The following TMCO1 variants were observed in gnomAD, a reference collection of about 807,000 sequenced individuals.
TMCO1 encodes transmembrane and coiled-coil domains 1, also known as calcium load-activated calcium channel.
In TMCO1, 29 loss-of-function variants were observed where a neutral mutation model predicts 29.3. The observed-to-expected ratio is 0.99, with a 90% CI of 0.74 to 1.35. TMCO1 has a LOEUF of 1.35. TMCO1 is among the 40% of genes most tolerant of loss of function. TMCO1 has a pLI of 0.00. For missense variants in TMCO1, 173 were observed against 225.5 expected, an observed-to-expected ratio of 0.77 and a Z score of 1.49; for synonymous variants, 80 against 77.1, an observed-to-expected ratio of 1.04 and a Z score of -0.20.
At chr1:165,739,201 T>C (rs1651496647) in intron 6 of TMCO1, among the ~76,000 whole-genome samples, 1 of 152,198 alleles carries the variant, frequency 6.6e-6, no homozygotes, top group Non-Finnish European at 1.5e-5. Context: ...TTTAACTTAA[T>C]AGCATATACC....
At chr1:165,742,482 C>T (rs539853400) in intron 6 of TMCO1, among the ~76,000 whole-genome samples, 17 of 152,138 alleles carry the variant, frequency 1.1e-4, no homozygotes, top group Non-Finnish European at 2.2e-4. Flanking sequence ...AGGCTGGTCT[C>T]AAATTCCCGA....
At chr1:165,757,842 A>G (rs1184386793) in intron 3 of TMCO1, among the ~76,000 whole-genome samples, 1 of 152,178 alleles carries the variant, frequency 6.6e-6, no homozygotes, top group Non-Finnish European at 1.5e-5. Context: ...TTCTGGGGTG[A>G]GCAAACAATT....
At chr1:165,730,174 A>AC (rs1286997274) in intron 6 of TMCO1, among the ~76,000 whole-genome samples, 3 of 135,330 alleles carry the variant, frequency 2.2e-5, no homozygotes, top group African/African-American at 8.2e-5. Context: ...ACACACACAC[A>AC]AAAAAAAAAA....
At chr1:165,767,885 G>A (rs1652634379) in intron 2 of TMCO1, among the ~76,000 whole-genome samples, 1 of 152,044 alleles carries the variant, frequency 6.6e-6, no homozygotes, top group African/African-American at 2.4e-5. Context: ...TGTTGCCCAG[G>A]CTGGTGTCAA....
At chr1:165,768,156 G>C (rs536478710) in intron 2 of TMCO1, 36 bp downstream of exon 2, 11 of 1,503,872 alleles carry the variant, frequency 7.3e-6, no homozygotes, top group Non-Finnish European at 1.0e-5. Context: ...TGAGCTTGAC[G>C]TGTTGAAATT....
At chr1:165,744,803 A>G (rs1442303315) in intron 5 of TMCO1, among the ~76,000 whole-genome samples, 2 of 150,104 alleles carry the variant, frequency 1.3e-5, no homozygotes, top group Non-Finnish European at 2.9e-5. Context: ...AAAAAAAAAA[A>G]AAAAAAAAAT....
rs549694900 is a variant in TMCO1, at chr1:165,736,351, C to G, written c.468+6816G>C. ...ATAAAAGAATCCAGAATATCTTCAA[C>G]CTATCGTTTACATTATCCAGGATAT... is the stretch of plus-strand genomic sequence containing the variant. On this transcript the variant is annotated intron_variant, in intron 6 of 6. Transcript: ENST00000367881. Among the ~76,000 whole-genome samples, 28 of 152,314 alleles carry G rather than the reference C, an allele frequency of 1.8e-4. 1 individual carries two copies. The South Asian group carries it at 5.8e-3, about 32-fold the overall frequency.
Position 165,768,675 on chromosome 1 carries a change from C to T in TMCO1, c.70+7G>A, listed in dbSNP as rs200020676. 1.2e-5 allele frequency: 19 copies of T among 1,614,120 alleles called. No individual in the cohort carries two copies. The Admixed American group carries it at 3.2e-4, about 27-fold the overall frequency. On this transcript the variant is annotated splice_region_variant and intron_variant, in intron 1 of 6. Coordinates refer to ENST00000367881, the MANE Select transcript of TMCO1 (RefSeq NM_019026.6). ...TGATCAAACGTCTGAGAAATACCCGCTCTCACCCTCTGCGAGCAGAGCCGT... is the reference window on the plus strand; with the variant it reads ...TGATCAAACGTCTGAGAAATACCCGTTCTCACCCTCTGCGAGCAGAGCCGT...
At chr1:165,752,973 A>G (rs1210055263) in intron 4 of TMCO1, among the ~76,000 whole-genome samples, 1 of 152,206 alleles carries the variant, frequency 6.6e-6, no homozygotes, top group African/African-American at 2.4e-5. Context: ...TAAGTAAAAG[A>G]GAACTATTGC....
At chr1:165,750,768 A>G (rs1444043284) in intron 5 of TMCO1, among the ~76,000 whole-genome samples, 1 of 151,980 alleles carries the variant, frequency 6.6e-6, no homozygotes, top group African/African-American at 2.4e-5. Context: ...TGTACAAAAA[A>G]CTTTTTAAAA....
chr1:165,768,271 T>C lies in TMCO1; in HGVS notation c.71-2A>G, dbSNP rs1652648979. 6.2e-7 allele frequency: 1 copy of C among 1,612,470 alleles called. No individual in the cohort carries two copies. Among genetic ancestry groups the C allele is most frequent in the Admixed American group, 1.7e-5 (1 of 60,000 alleles). The stretch of plus-strand genomic sequence containing the variant: ...TGTAAACCAGGACCCAGGTTATGCC[T>C]AAAACATTAAAAGCAACATGTTAAT... On this transcript the variant is annotated splice_acceptor_variant, in intron 1 of 6. Coordinates refer to ENST00000367881, the MANE Select transcript of TMCO1 (RefSeq NM_019026.6). LOFTEE classifies it high-confidence loss of function.
chr1:165,749,067 T>C (rs1311829938), intron 5 of TMCO1, among the ~76,000 whole-genome samples: 2 of 152,196 alleles, frequency 1.3e-5, no homozygotes, highest in Non-Finnish European at 2.9e-5. Flanking sequence ...GTACCACAGT[T>C]TGTTTATCCT....
downstream of TMCO1, chr1:165,725,580 T>C: frequency 2.2e-6 from 1 of 454,122 alleles, no homozygotes; most frequent in South Asian, 1.6e-5. Flanking sequence ...AGACAATCCA[T>C]CTTACATAGG....
intron 3 of TMCO1, among the ~76,000 whole-genome samples, chr1:165,758,208 T>C (rs1209572958): frequency 6.6e-6 from 1 of 152,142 alleles, no homozygotes; most frequent in Non-Finnish European, 1.5e-5. Flanking sequence ...TTCCAACTTA[T>C]CTGGCAATAC....
intron 2 of TMCO1, among the ~76,000 whole-genome samples, chr1:165,760,091 G>A (rs988459035): frequency 1.3e-5 from 2 of 152,102 alleles, no homozygotes; most frequent in Admixed American, 6.6e-5. Flanking sequence ...AATGTGACAA[G>A]ATAGTTATAC....
chr1:165,759,505 T>G lies in TMCO1; in HGVS notation c.208+20A>C. Reference sequence around the variant, plus strand: ...TTTTAAGAAAACCCAAATTTCATTTTGACTAATATCTCATCTTACCTATTT... The same window carrying G: ...TTTTAAGAAAACCCAAATTTCATTTGGACTAATATCTCATCTTACCTATTT... On this transcript the variant is annotated intron_variant, in intron 3 of 6. Coordinates refer to ENST00000367881, the MANE Select transcript of TMCO1 (RefSeq NM_019026.6). The G allele has an allele frequency of 6.3e-7, 1 of 1,589,934 alleles. No homozygotes were observed. The highest frequency in any genetic ancestry group is 8.6e-7 in the Non-Finnish European group (1 of 1,162,058).
rs777163859 is a variant in TMCO1, at chr1:165,768,192, AT to A, written c.147del (p.Lys49AsnfsTer9). ...ATTTCTAATGTGTTGCCATACTCAC[AT>A]TTTTTACTCTGTTTTTCCACTTCTG... ...LKAEVEKQSK[K>X]LEKKKETITE... is the part of the protein sequence containing the mutation. On this transcript the variant is annotated frameshift_variant and splice_region_variant, in exon 2 of 7. Transcript: ENST00000367881. LOFTEE classifies it high-confidence loss of function. The A allele has an allele frequency of 6.2e-7, 1 of 1,612,890 alleles. No individual in the cohort carries two copies. Among genetic ancestry groups the A allele is most frequent in the Non-Finnish European group, 8.5e-7 (1 of 1,179,008 alleles).
At chr1:165,762,423 G>T (rs917857213) in intron 2 of TMCO1, among the ~76,000 whole-genome samples, 1 of 151,982 alleles carries the variant, frequency 6.6e-6, no homozygotes, top group African/African-American at 2.4e-5. Context: ...TGACTGCATA[G>T]AAAACAGGGC....
At chr1:165,753,523 G>A (rs896032569) in intron 4 of TMCO1, among the ~76,000 whole-genome samples, 6 of 143,926 alleles carry the variant, frequency 4.2e-5, no homozygotes, top group African/African-American at 1.5e-4. Context: ...AGTGGCTCAC[G>A]CCTATAATCC....
Sources: gnomAD v4.1 joint callset for allele counts (sites outside exome capture counted in the v4.1 genomes callset) on GRCh38, gnomAD v4.1.1 for gene constraint, MANE v1.5 for transcripts, NCBI Gene and HGNC (gene_info 2026-07-23, HGNC 2026-07-21) for gene names.